The following SHC2 variants were observed in gnomAD, a reference collection of about 807,000 sequenced individuals.
SHC2 encodes SHC adaptor protein 2.
A neutral mutation model predicts 60.6 loss-of-function variants in SHC2; 62 were observed. That is an observed-to-expected ratio of 1.02 (90% CI 0.83 to 1.26). The LOEUF is 1.26. Among genes scored for constraint, SHC2 ranks in the 50% most tolerant of loss-of-function variants. SHC2 has a pLI of 0.00. For missense variants in SHC2, 873 were observed against 822.2 expected (o/e 1.06, Z -0.76); for synonymous variants, 375 against 372.4 (o/e 1.01, Z -0.08).
chr19:434,716 A>G lies in SHC2; in HGVS notation c.1103T>C (p.Leu368Pro). Residue 368 changes from leucine (L) to proline (P), a missense_variant, in exon 8 of 13, where the codon CTC (leucine) becomes CCC (proline). By Grantham distance (98) the Leu-to-Pro change is moderately conservative. Coordinates refer to ENST00000264554, the MANE Select transcript of SHC2 (RefSeq NM_012435.3). Reference protein sequence around the residue: ...ALTQPCALTALDQGPSPSLRD... With the variant: ...ALTQPCALTAPDQGPSPSLRD... Reference sequence around the variant, plus strand: ...CCGAGGGCAGAGGCTGACCTGGTCGAGGGCCGTGAGGGCGCAGGGCTGTGT... The same window carrying G: ...CCGAGGGCAGAGGCTGACCTGGTCGGGGGCCGTGAGGGCGCAGGGCTGTGT... The G allele has an allele frequency of 1.2e-6, 2 of 1,610,110 alleles. No homozygotes were observed. The highest frequency in any genetic ancestry group is 8.5e-7 in the Non-Finnish European group (1 of 1,178,948).
At chr19:448,918 C>T (rs1051634973) in intron 1 of SHC2, among the ~76,000 whole-genome samples, 5 of 151,566 alleles carry the variant, frequency 3.3e-5, no homozygotes, top group African/African-American at 1.2e-4. Context: ...TGTGGGAGGC[C>T]GAGGCAGACA....
chr19:448,123 C>T (rs73507748), intron 1 of SHC2, among the ~76,000 whole-genome samples: 5,468 of 152,304 alleles, frequency 0.036, 326 homozygotes, highest in African/African-American at 0.12. Context: ...CCCATGCACC[C>T]GAGTCCCAAT....
chr19:423,173 G>C (rs1037556299), intron 10 of SHC2, among the ~76,000 whole-genome samples: 2 of 112,158 alleles, frequency 1.8e-5, no homozygotes, highest in African/African-American at 7.0e-5. Context: ...TCCAGCTCCT[G>C]GTCCTGGGGG....
intron 8 of SHC2, among the ~76,000 whole-genome samples, chr19:432,193 C>T (rs1974612357): frequency 2.8e-4 from 1 of 3,636 alleles, no homozygotes; most frequent in Non-Finnish European, 4.2e-4. Context: ...GGCGCTTCAT[C>T]GTGAGTGAGA....
Position 446,184 on chromosome 19 carries a change from A to G in SHC2, c.469-5252T>C, listed in dbSNP as rs547044680. Among the ~76,000 whole-genome samples the G allele has an allele frequency of 6.6e-6, 1 of 152,262 alleles. No individual in the cohort carries two copies. Among genetic ancestry groups the G allele is most frequent in the African/African-American group, 2.4e-5 (1 of 41,552 alleles). ...ACCAGACACGGGAGAGAGGCCTGGGACAGAGCCTCCCTCAGAGCCTCCAGC... is the reference window on the plus strand; with the variant it reads ...ACCAGACACGGGAGAGAGGCCTGGGGCAGAGCCTCCCTCAGAGCCTCCAGC... On this transcript the variant is annotated intron_variant, in intron 1 of 12. Coordinates refer to ENST00000264554, the MANE Select transcript of SHC2 (RefSeq NM_012435.3). The surrounding 1 kb of genome is among the most constrained non-coding windows in gnomAD (Gnocchi z 5.4).
chr19:425,850 G>A lies in SHC2; in HGVS notation c.1175-619C>T, dbSNP rs937632439. 6.6e-6 allele frequency among the ~76,000 whole-genome samples: 1 copy of A among 151,990 alleles called. No homozygotes were observed. Among genetic ancestry groups the A allele is most frequent in the South Asian group, 2.1e-4 (1 of 4,808 alleles). On this transcript the variant is annotated intron_variant, in intron 9 of 12. Coordinates refer to ENST00000264554, the MANE Select transcript of SHC2 (RefSeq NM_012435.3). This position sits in a 1 kb window ranked among gnomAD's most constrained non-coding sequence, Gnocchi z 4.1. ...TCGAGACCAGCCTGGCCAACATGGT[G>A]AAACCCCGTCTCTACTAAAAATGCA...
intron 1 of SHC2, among the ~76,000 whole-genome samples, chr19:459,914 G>A (rs1001702859): frequency 6.6e-6 from 1 of 152,228 alleles, no homozygotes; most frequent in African/African-American, 2.4e-5. Flanking sequence ...ACCACAGAGA[G>A]GGGCAGACCC....
At chr19:419,886 C>A (rs1974229628) in intron 11 of SHC2, 1 of 152,246 alleles carries the variant, frequency 6.6e-6, no homozygotes, top group African/African-American at 2.4e-5. Context: ...AGGCTGGGGG[C>A]CCTGTGCACA....
At chr19:452,643 T>G (rs1041584985) in intron 1 of SHC2, among the ~76,000 whole-genome samples, 1 of 152,224 alleles carries the variant, frequency 6.6e-6, no homozygotes, top group African/African-American at 2.4e-5. Flanking sequence ...CCTGCGTAGG[T>G]GGGTGTTACA....
At chr19:447,955 A>T (rs534468981) in intron 1 of SHC2, among the ~76,000 whole-genome samples, 12 of 152,304 alleles carry the variant, frequency 7.9e-5, no homozygotes, top group African/African-American at 2.9e-4. Flanking sequence ...GGGAGCCAGG[A>T]TGTCTGCACA....
chr19:447,733 G>A (rs562853368), intron 1 of SHC2, among the ~76,000 whole-genome samples: 3 of 152,068 alleles, frequency 2.0e-5, no homozygotes, highest in Admixed American at 6.5e-5. Context: ...AGCCGAGATC[G>A]CACCACTGCA....
At chr19:442,232 T>C (rs1294076436) in intron 1 of SHC2, among the ~76,000 whole-genome samples, 1 of 150,572 alleles carries the variant, frequency 6.6e-6, no homozygotes, top group African/African-American at 2.4e-5. Context: ...GGAAGATGAA[T>C]AGATGGGTGG....
intron 1 of SHC2, among the ~76,000 whole-genome samples, chr19:454,285 C>T (rs1374854338): frequency 6.6e-6 from 1 of 152,182 alleles, no homozygotes; most frequent in Admixed American, 6.5e-5. Context: ...CCGGGCTGGG[C>T]TCATGAGACC....
In SHC2 at chr19:425,113, CT is replaced by C; in HGVS notation, c.1292del (p.Lys431ArgfsTer13). On this transcript the variant is annotated frameshift_variant, in exon 10 of 13. Coordinates refer to ENST00000264554, the MANE Select transcript of SHC2 (RefSeq NM_012435.3). LOFTEE classifies it high-confidence loss of function. This position sits in a 1 kb window ranked among gnomAD's most constrained non-coding sequence, Gnocchi z 4.1. Reference sequence around the variant, plus strand: ...GCCACATACGCATGTCAAACAGATCCTTTTTGGGGCTGTCCTCCGGCTCGGG... The same window carrying C: ...GCCACATACGCATGTCAAACAGATCCTTTTGGGGCTGTCCTCCGGCTCGGG... Reference protein sequence around the residue: ...DAPEPEDSPKKDLFDMRPFED... With the variant: ...DAPEPEDSPKXDLFDMRPFED... 5 of 1,405,242 alleles carry C rather than the reference CT, an allele frequency of 3.6e-6. No homozygotes were observed. Among genetic ancestry groups the C allele is most frequent in the Non-Finnish European group, 3.7e-6 (4 of 1,071,736 alleles). 87.0% of individuals were successfully genotyped at this position (1,405,242 alleles called of 1,614,324 possible).
At position 438,983 on chromosome 19, in the gene SHC2, G is replaced by C. The variant is rs1169622247; in HGVS notation, c.587C>G (p.Ser196Cys). Residue 196 changes from serine to cysteine, a missense_variant, in exon 3 of 13, where the codon TCC becomes TGC. Physicochemically the swap from Ser to Cys is moderately radical, Grantham distance 112. Transcript: ENST00000264554. This position sits in a 1 kb window ranked among gnomAD's most constrained non-coding sequence, Gnocchi z 5.0. ...AGCCTCACTCACCTTTTTCTTCCAG[G>C]ATCCCCGGACGCCAGGCACGGCCTC... Reference protein sequence around the residue: ...LHEAVPGVRGSWKKKAPNKAL... With the variant: ...LHEAVPGVRGCWKKKAPNKAL... The C allele has an allele frequency of 6.2e-7, 1 of 1,601,922 alleles. No individual in the cohort carries two copies. Among genetic ancestry groups the C allele is most frequent in the South Asian group, 1.1e-5 (1 of 89,016 alleles).
rs1408716030 is a variant in SHC2 at position 438,694 on chromosome 19, G to A, written c.720+24C>T. 5 of 1,547,886 alleles carry A rather than the reference G, an allele frequency of 3.2e-6. No individual in the cohort carries two copies. The highest frequency in any genetic ancestry group is 3.5e-6 in the Non-Finnish European group (4 of 1,146,726). ...CTGGCCCCTCTGGGGGTCTGGGGACGCCAGGCGAAGAGGGCAGACCCACCT... is the reference window on the plus strand; with the variant it reads ...CTGGCCCCTCTGGGGGTCTGGGGACACCAGGCGAAGAGGGCAGACCCACCT... On this transcript the variant is annotated intron_variant, in intron 4 of 12. Coordinates refer to ENST00000264554, the MANE Select transcript of SHC2 (RefSeq NM_012435.3). This position sits in a 1 kb window ranked among gnomAD's most constrained non-coding sequence, Gnocchi z 5.0.
chr19:460,500 G>A (rs1471646670), intron 1 of SHC2, 29 bp downstream of exon 1: 4 of 1,103,894 alleles, frequency 3.6e-6, no homozygotes, highest in Admixed American at 4.9e-5. Context: ...GCCGCGAACG[G>A]GCTCCCGGGG....
intron 8 of SHC2, among the ~76,000 whole-genome samples, chr19:431,347 A>G (rs1974586631): frequency 7.0e-6 from 1 of 142,920 alleles, no homozygotes; most frequent in South Asian, 2.3e-4. Context: ...ATCGTGAGTG[A>G]GATCGTGAGT....
rs1180467880 is a variant in SHC2, at chr19:436,698, G to A, written c.721-15C>T. On this transcript the variant is annotated splice_polypyrimidine_tract_variant and intron_variant, in intron 4 of 12. Coordinates refer to ENST00000264554, the MANE Select transcript of SHC2 (RefSeq NM_012435.3). ...TTGGCGATGACCTGTGGCGGCAGGA[G>A]GCACACGCGGTCATGGGGGCCCCGC... The A allele has an allele frequency of 6.2e-7, 1 of 1,600,476 alleles. No homozygotes were observed. Among genetic ancestry groups the A allele is most frequent in the Admixed American group, 1.7e-5 (1 of 59,490 alleles).
Sources: allele counts gnomAD v4.1 joint callset (sites outside exome capture counted in the v4.1 genomes callset), GRCh38; gene constraint gnomAD v4.1.1; non-coding constraint Gnocchi (gnomAD v3.1); transcripts MANE v1.5; gene names NCBI Gene and HGNC (gene_info 2026-07-23, HGNC 2026-07-21).